The following PHC2 variants were observed in gnomAD, a reference collection of about 807,000 sequenced individuals.
The protein encoded by PHC2 is polyhomeotic homolog 2.
A neutral mutation model predicts 87.4 loss-of-function variants in PHC2; 29 were observed. That is an observed-to-expected ratio of 0.33 (90% CI 0.25 to 0.45). PHC2 has a LOEUF of 0.45. Ranked by LOEUF, PHC2 falls within the 20% of genes least tolerant of loss-of-function variation. The probability of loss-of-function intolerance (pLI) is 1.00; values close to 1 mark genes in which losing one functional copy is unlikely to be tolerated. For synonymous variants in PHC2, 438 were observed against 461.7 expected (o/e 0.95, Z 0.66); for missense variants, 857 against 1,136.7 (o/e 0.75, Z 3.54).
chr1:33,415,025 G>GA (rs1207059078), intron 1 of PHC2, among the ~76,000 whole-genome samples: 1 of 152,200 alleles, frequency 6.6e-6, no homozygotes. Context: ...TGATCGCTAA[G>GA]AAAAGGGACA....
At chr1:33,356,325 G>T (rs1647085489) in intron 7 of PHC2, among the ~76,000 whole-genome samples, 1 of 127,706 alleles carries the variant, frequency 7.8e-6, no homozygotes, top group Non-Finnish European at 1.8e-5. Flanking sequence ...GATCATTCTT[G>T]GGTGTTTCTC....
intron 9 of PHC2, among the ~76,000 whole-genome samples, chr1:33,337,331 G>A (rs1646660232): frequency 6.6e-6 from 1 of 152,182 alleles, no homozygotes; most frequent in African/African-American, 2.4e-5. Context: ...ACCTTGGACG[G>A]CTCATTAGTG....
intron 1 of PHC2, among the ~76,000 whole-genome samples, chr1:33,379,744 C>T (rs77564829): frequency 0.017 from 2,597 of 151,486 alleles, 70 homozygotes; most frequent in African/African-American, 0.059. Flanking sequence ...TGCTCCCACT[C>T]TTGCCCTCTT....
chr1:33,325,049 A>G, intron 14 of PHC2, 30 bp from the exon 15 acceptor site: 1 of 1,576,842 alleles, frequency 6.3e-7, no homozygotes, highest in South Asian at 1.2e-5. Flanking sequence ...GACAGTGTCA[A>G]TCCAAGCCGC....
At chr1:33,403,619 T>C (rs1435009450) in intron 1 of PHC2, among the ~76,000 whole-genome samples, 1 of 152,230 alleles carries the variant, frequency 6.6e-6, no homozygotes, top group Non-Finnish European at 1.5e-5. Context: ...CATTTCATGG[T>C]AAAGAAAATG....
At chr1:33,339,907 G>A (rs1027307939) in intron 9 of PHC2, among the ~76,000 whole-genome samples, 4 of 152,200 alleles carry the variant, frequency 2.6e-5, no homozygotes, top group African/African-American at 4.8e-5. Context: ...TGAGTATCAC[G>A]TAGGTGCTCA....
At chr1:33,412,422 A>G (rs780744578) in intron 1 of PHC2, among the ~76,000 whole-genome samples, 1 of 152,072 alleles carries the variant, frequency 6.6e-6, no homozygotes, top group South Asian at 2.1e-4. Flanking sequence ...GCGTGCATTC[A>G]AACACTAAAC....
chr1:33,387,699 G>A (rs1231813330), intron 1 of PHC2, among the ~76,000 whole-genome samples: 2 of 152,220 alleles, frequency 1.3e-5, no homozygotes, highest in Non-Finnish European at 2.9e-5. Context: ...AATGGCAGGT[G>A]TAGGATCGGA....
chr1:33,397,614 G>A (rs1294129979), intron 1 of PHC2, among the ~76,000 whole-genome samples: 8 of 152,074 alleles, frequency 5.3e-5, no homozygotes, highest in Non-Finnish European at 8.8e-5. Flanking sequence ...TGGCCCTCCT[G>A]AGTCTGTTCC....
Position 33,419,770 on chromosome 1 carries a change from C to T in PHC2, c.-55+11206G>A, listed in dbSNP as rs1009030791. ...GACTATAGGCGCCCGCTACCACGCCCGGCTAATTTTTTGTATTTTTAGTAG... is the reference window on the plus strand; with the variant it reads ...GACTATAGGCGCCCGCTACCACGCCTGGCTAATTTTTTGTATTTTTAGTAG... On this transcript the variant is annotated intron_variant, in intron 1 of 14. Transcript: ENST00000683057. Among the ~76,000 whole-genome samples, 4 of 152,252 alleles carry T rather than the reference C, an allele frequency of 2.6e-5. No homozygotes were observed. In the South Asian group the frequency reaches 6.2e-4, roughly 24 times the overall value.
chr1:33,422,076 G>T lies in PHC2; in HGVS notation c.-55+8900C>A, dbSNP rs537096859. On this transcript the variant is annotated intron_variant, in intron 1 of 14. Coordinates refer to ENST00000683057, the MANE Select transcript of PHC2 (RefSeq NM_001385109.1). ...TGTTCTGCTGTGGTCTTGAAAGGTT[G>T]TTTGGAGGTCCCCCCATATGTGTTC... Among the ~76,000 whole-genome samples, 211 of 152,256 alleles carry T rather than the reference G, an allele frequency of 1.4e-3. 1 individual carries two copies. Among genetic ancestry groups the T allele is most frequent in the Non-Finnish European group, 2.7e-3 (183 of 68,018 alleles).
intron 1 of PHC2, among the ~76,000 whole-genome samples, chr1:33,396,688 C>T (rs1190599250): frequency 2.0e-5 from 3 of 152,210 alleles, no homozygotes; most frequent in African/African-American, 4.8e-5. Flanking sequence ...CTGTTCACAG[C>T]CAAGGAACCC....
In PHC2 at chr1:33,331,949, C is replaced by T. The variant is rs1013798471; in HGVS notation, c.1891+326G>A. 5.9e-5 allele frequency among the ~76,000 whole-genome samples: 9 copies of T among 152,352 alleles called. No homozygotes were observed. Among genetic ancestry groups the T allele is most frequent in the Admixed American group, 5.9e-4 (9 of 15,306 alleles). ...CTCTGCTGTGACCTAGAGCTGGCCC[C>T]AGTCTCAAGGCAGGGACGAAGGGCA... is the stretch of plus-strand genomic sequence containing the variant. On this transcript the variant is annotated intron_variant, in intron 11 of 14. Transcript: ENST00000683057. This position sits in a 1 kb window ranked among gnomAD's most constrained non-coding sequence, Gnocchi z 5.2.
At chr1:33,387,092 T>C (rs551734542) in intron 1 of PHC2, among the ~76,000 whole-genome samples, 2 of 152,224 alleles carry the variant, frequency 1.3e-5, no homozygotes, top group Non-Finnish European at 1.5e-5. Flanking sequence ...TAAAAACTTA[T>C]CTAGAAATTT....
chr1:33,350,333 T>C (rs1433489951), intron 9 of PHC2: 1 of 152,224 alleles, frequency 6.6e-6, no homozygotes, highest in African/African-American at 2.4e-5. Flanking sequence ...CAGAGGGAAG[T>C]CATGGCCCGA....
Position 33,331,698 on chromosome 1 carries a change from G to A in PHC2, c.1892-236C>T, listed in dbSNP as rs1557817564. The A allele has an allele frequency of 4.5e-6, 2 of 441,946 alleles. No individual in the cohort carries two copies. The highest frequency in any genetic ancestry group is 7.2e-5 in the East Asian group (2 of 27,620). The allele number at this position is 441,946 out of a possible 1,614,324, so 27.4% of individuals were successfully genotyped here. A position where few individuals can be genotyped will look rare whatever the true frequency, so the allele number is the denominator to read the frequency against. On this transcript the variant is annotated intron_variant, in intron 11 of 14. Transcript: ENST00000683057. This position sits in a 1 kb window ranked among gnomAD's most constrained non-coding sequence, Gnocchi z 5.2. ...CATTTTTTTCTTCCACGTGGTCTGA[G>A]TCTGAGGCAAAACACAGGTGGGGAA...
In PHC2 at chr1:33,367,224, G is replaced by T. The variant is rs267598559; in HGVS notation, c.868C>A (p.Pro290Thr). The change falls in exon 7 of 15, where the codon CCA (proline) becomes ACA (threonine). Residue 290 changes from proline to threonine, a missense_variant. Transcript: ENST00000683057. ...CTGTTGCCATCTCCTTTCTTGTGTG[G>T]CTCCATCACACTGTCAGCTATGCCA... ...KPGIADSVME[P>T]HKKGDGNSSV... 2.5e-6 allele frequency: 4 copies of T among 1,614,096 alleles called. No homozygotes were observed. In the East Asian group the frequency reaches 8.9e-5, roughly 36 times the overall value.
chr1:33,416,492 C>T (rs1287877744), intron 1 of PHC2, among the ~76,000 whole-genome samples: 4 of 146,714 alleles, frequency 2.7e-5, no homozygotes, highest in African/African-American at 5.1e-5. Context: ...AGGAAAATGG[C>T]GTGAACCCAG....
rs1646903997 is a variant in PHC2 at position 33,349,116 on chromosome 1, G to A, written c.1558+5285C>T. On this transcript the variant is annotated intron_variant, in intron 9 of 14. Coordinates refer to ENST00000683057, the MANE Select transcript of PHC2 (RefSeq NM_001385109.1). This position sits in a 1 kb window ranked among gnomAD's most constrained non-coding sequence, Gnocchi z 4.2. ...AAAATGGAAGAAAAGACACAGAACA[G>A]CTTGTCCCTTTCCATCCAATTAAAA... The A allele has an allele frequency of 2.0e-6, 2 of 985,098 alleles. No individual in the cohort carries two copies. Among genetic ancestry groups the A allele is most frequent in the African/African-American group, 1.7e-5 (1 of 57,254 alleles). The allele number at this position is 985,098 out of a possible 1,614,324, so 61.0% of individuals were successfully genotyped here. A position where few individuals can be genotyped will look rare whatever the true frequency, so the allele number is the denominator to read the frequency against.
Sources: allele counts gnomAD v4.1 joint callset (sites outside exome capture counted in the v4.1 genomes callset), GRCh38; gene constraint gnomAD v4.1.1; non-coding constraint Gnocchi (gnomAD v3.1); transcripts MANE v1.5; gene names NCBI Gene and HGNC (gene_info 2026-07-23, HGNC 2026-07-21).